Variants in CAMK1D observed in about 807,000 individuals in gnomAD.
The protein encoded by CAMK1D is calcium/calmodulin-dependent protein kinase type 1D.
Under a neutral mutation model 47.7 loss-of-function variants are expected in CAMK1D, and 9 were observed. That is an observed-to-expected ratio of 0.19 (90% CI 0.11 to 0.33). CAMK1D has a LOEUF of 0.33. CAMK1D is among the 10% of genes least tolerant of loss of function. The pLI is 1.00. For missense variants in CAMK1D, 291 were observed against 488.7 expected, an observed-to-expected ratio of 0.60 and a Z score of 3.81; for synonymous variants, 184 against 184.9, an observed-to-expected ratio of 0.99 and a Z score of 0.04.
At chr10:12,590,594 A>G (rs987702229) in intron 2 of CAMK1D, among the ~76,000 whole-genome samples, 2 of 152,182 alleles carry the variant, frequency 1.3e-5, no homozygotes, top group African/African-American at 4.8e-5. Context: ...TTACTGTTCC[A>G]TAATTATTGT....
At chr10:12,417,744 G>A (rs770822115) in intron 1 of CAMK1D, among the ~76,000 whole-genome samples, 1 of 152,180 alleles carries the variant, frequency 6.6e-6, no homozygotes, top group East Asian at 1.9e-4. Context: ...ACACTCTTAT[G>A]TGGAAGGCCA....
At chr10:12,595,897 G>T (rs890250023) in intron 2 of CAMK1D, among the ~76,000 whole-genome samples, 1 of 152,108 alleles carries the variant, frequency 6.6e-6, no homozygotes, top group East Asian at 1.9e-4. Flanking sequence ...GCATCTCATC[G>T]CTTCCTACTA....
At chr10:12,755,994 C>T (rs950425918) in intron 3 of CAMK1D, among the ~76,000 whole-genome samples, 2 of 152,184 alleles carry the variant, frequency 1.3e-5, no homozygotes, top group Non-Finnish European at 2.9e-5. Flanking sequence ...CGTAGGGCAG[C>T]CTTTGTGAAT....
chr10:12,421,827 A>AT (rs368821978), intron 1 of CAMK1D, among the ~76,000 whole-genome samples: 57 of 104,810 alleles, frequency 5.4e-4, no homozygotes, highest in African/African-American at 1.5e-3. Context: ...TGGGACTCTT[A>AT]TTTTTTTGAG....
At chr10:12,501,060 A>C (rs1834687960) in intron 1 of CAMK1D, among the ~76,000 whole-genome samples, 1 of 151,828 alleles carries the variant, frequency 6.6e-6, no homozygotes, top group African/African-American at 2.4e-5. Context: ...TGTCCACCGG[A>C]CTCCAAAATC....
At chr10:12,535,871 ATGGAGTTGTGGTG>A (rs1248079444) in intron 1 of CAMK1D, among the ~76,000 whole-genome samples, 1 of 152,140 alleles carries the variant, frequency 6.6e-6, no homozygotes. Flanking sequence ...TCATAACCCC[ATGGAGTTGTGGTG>A]TGTTATCTGT....
At chr10:12,745,242 G>T (rs1835614611) in intron 3 of CAMK1D, among the ~76,000 whole-genome samples, 1 of 152,132 alleles carries the variant, frequency 6.6e-6, no homozygotes, top group South Asian at 2.1e-4. Context: ...GTGTTAGCCA[G>T]GATGGTCTCG....
At chr10:12,503,934 C>T (rs1834785614) in intron 1 of CAMK1D, among the ~76,000 whole-genome samples, 1 of 152,142 alleles carries the variant, frequency 6.6e-6, no homozygotes. Context: ...CTTATTTCCT[C>T]TCTGAGGGCC....
intron 3 of CAMK1D, among the ~76,000 whole-genome samples, chr10:12,750,109 A>G (rs916401424): frequency 6.6e-6 from 1 of 152,232 alleles, no homozygotes; most frequent in African/African-American, 2.4e-5. Flanking sequence ...TTGTGCAATA[A>G]CAAGGGAAGG....
chr10:12,705,700 C>G (rs1342599787), intron 3 of CAMK1D, among the ~76,000 whole-genome samples: 1 of 152,156 alleles, frequency 6.6e-6, no homozygotes, highest in African/African-American at 2.4e-5. Context: ...AGGACTTGGG[C>G]CAGAATTCCA....
chr10:12,619,443 G>A (rs868277167), intron 2 of CAMK1D, among the ~76,000 whole-genome samples: 23 of 151,820 alleles, frequency 1.5e-4, no homozygotes, highest in Admixed American at 1.3e-4. Flanking sequence ...GTACACCACC[G>A]TGCCTGGCTA....
chr10:12,432,601 T>G (rs1832517911), intron 1 of CAMK1D, among the ~76,000 whole-genome samples: 1 of 152,142 alleles, frequency 6.6e-6, no homozygotes, highest in African/African-American at 2.4e-5. Context: ...GTTGAATAAA[T>G]GAATGAATGA....
At chr10:12,697,743 C>T (rs1046107159) in intron 3 of CAMK1D, among the ~76,000 whole-genome samples, 11 of 152,176 alleles carry the variant, frequency 7.2e-5, no homozygotes, top group African/African-American at 1.9e-4. Context: ...GTGGAAGACC[C>T]TTGACACGGG....
At chr10:12,367,848 T>C (rs1588411452) in intron 1 of CAMK1D, among the ~76,000 whole-genome samples, 1 of 152,152 alleles carries the variant, frequency 6.6e-6, no homozygotes, top group South Asian at 2.1e-4. Context: ...TAACAGGCCA[T>C]GGACTGGTAC....
At chr10:12,545,453 T>TAAAAAA (rs59666684) in intron 1 of CAMK1D, among the ~76,000 whole-genome samples, 1 of 52,300 alleles carries the variant, frequency 1.9e-5, no homozygotes, top group Non-Finnish European at 3.4e-5. Context: ...CATCTCACAG[T>TAAAAAA]AAAAAAAAAA....
intron 3 of CAMK1D, among the ~76,000 whole-genome samples, chr10:12,752,144 T>C (rs1177571138): frequency 1.3e-5 from 2 of 152,042 alleles, no homozygotes; most frequent in East Asian, 3.9e-4. Flanking sequence ...CCATCATGCC[T>C]GGCTAACTTT....
chr10:12,559,322 G>A (rs1165405076), intron 2 of CAMK1D, among the ~76,000 whole-genome samples: 1 of 152,124 alleles, frequency 6.6e-6, no homozygotes, highest in Non-Finnish European at 1.5e-5. Context: ...ATATTATGCT[G>A]ATGCGCAGGC....
intron 2 of CAMK1D, among the ~76,000 whole-genome samples, chr10:12,595,690 C>A (rs1432146013): frequency 2.0e-5 from 3 of 152,216 alleles, no homozygotes; most frequent in African/African-American, 7.2e-5. Flanking sequence ...GTTCAGCTGC[C>A]CACTTTCTGG....
intron 1 of CAMK1D, among the ~76,000 whole-genome samples, chr10:12,396,864 T>G (rs543005085): frequency 6.6e-6 from 1 of 152,250 alleles, no homozygotes; most frequent in South Asian, 2.1e-4. Context: ...GAGGTTTGGG[T>G]TTTTAACTCA....
Sources: allele counts gnomAD v4.1 joint callset (sites outside exome capture counted in the v4.1 genomes callset), GRCh38; gene constraint gnomAD v4.1.1; transcripts MANE v1.5; gene names NCBI Gene and HGNC (gene_info 2026-07-23, HGNC 2026-07-21).